PCDHGB7: variants seen among roughly 807,000 people sequenced by gnomAD.
The protein encoded by PCDHGB7 is protocadherin gamma subfamily B, 7.
Under a neutral mutation model 61.4 loss-of-function variants are expected in PCDHGB7, and 37 were observed. That is an observed-to-expected ratio of 0.60 (90% CI 0.46 to 0.79). The LOEUF (loss-of-function observed/expected upper bound fraction) is 0.79. PCDHGB7 is among the 30% of genes least tolerant of loss of function. The pLI is 0.00. For synonymous variants in PCDHGB7, 464 were observed against 503.5 expected (o/e 0.92, Z 1.05); for missense variants, 1,166 against 1,202.5 (o/e 0.97, Z 0.45).
chr5:141,422,913 G>T, intron 1 of PCDHGB7: 1 of 1,614,248 alleles, frequency 6.2e-7, no homozygotes, highest in Non-Finnish European at 8.5e-7. Context: ...ATGCGCCCGA[G>T]ATCCTGTACC....
chr5:141,428,646 C>T (rs542682298), intron 1 of PCDHGB7: 7 of 170,630 alleles, frequency 4.1e-5, no homozygotes, highest in South Asian at 3.0e-4. Flanking sequence ...CTCCTACTCA[C>T]GTGAGTTCCA....
chr5:141,499,047 GA>G (rs2099789201), intron 2 of PCDHGB7, among the ~76,000 whole-genome samples: 1 of 151,580 alleles, frequency 6.6e-6, no homozygotes, highest in South Asian at 2.1e-4. Flanking sequence ...GAAAAAGGGA[GA>G]AAAAATGAAG....
intron 1 of PCDHGB7, among the ~76,000 whole-genome samples, chr5:141,443,667 C>G (rs62379164): frequency 0.042 from 6,382 of 152,210 alleles, 168 homozygotes; most frequent in Middle Eastern, 0.088. Flanking sequence ...TTTTACTGAA[C>G]TAGTAGTTTA....
intron 3 of PCDHGB7, among the ~76,000 whole-genome samples, chr5:141,505,861 C>A (rs115699706): frequency 0.034 from 5,102 of 152,242 alleles, 131 homozygotes; most frequent in Admixed American, 0.057. Flanking sequence ...GGGACAGGGA[C>A]CCCAAAGGGT....
intron 1 of PCDHGB7, among the ~76,000 whole-genome samples, chr5:141,448,214 G>A (rs2098576063): frequency 6.6e-6 from 1 of 152,092 alleles, no homozygotes; most frequent in Non-Finnish European, 1.5e-5. Context: ...CTGTGTGTAT[G>A]CGAATGTATG....
intron 1 of PCDHGB7, among the ~76,000 whole-genome samples, chr5:141,492,103 T>G (rs1458656062): frequency 6.6e-6 from 1 of 152,134 alleles, no homozygotes; most frequent in Non-Finnish European, 1.5e-5. Flanking sequence ...GTCTGTAGAT[T>G]TCCTCTTCGA....
Position 141,485,574 on chromosome 5 carries a change from C to T in PCDHGB7, c.2416-9233C>T. 1 of 1,612,568 alleles carries T rather than the reference C, an allele frequency of 6.2e-7. No homozygotes were observed. Among genetic ancestry groups the T allele is most frequent in the Non-Finnish European group, 8.5e-7 (1 of 1,178,752 alleles). On this transcript the variant is annotated intron_variant, in intron 1 of 3. Transcript: ENST00000398594. This position sits in a 1 kb window ranked among gnomAD's most constrained non-coding sequence, Gnocchi z 5.7. ...GTGAATGATCACGCCCCCCGTTTTCCGCGGCAGCAGCTGGACTTGGAAATT... is the reference window on the plus strand; with the variant it reads ...GTGAATGATCACGCCCCCCGTTTTCTGCGGCAGCAGCTGGACTTGGAAATT...
chr5:141,490,374 C>T lies in PCDHGB7; in HGVS notation c.2416-4433C>T, dbSNP rs1452417604. 1.2e-6 allele frequency: 2 copies of T among 1,614,082 alleles called. No homozygotes were observed. Among genetic ancestry groups the T allele is most frequent in the Middle Eastern group, 1.6e-4 (1 of 6,084 alleles). ...GGTTGTTTAATGTGCGAGACCGGGA[C>T]TCAGGTAGAAATGGTGAAGTGAGCC... On this transcript the variant is annotated intron_variant, in intron 1 of 3. Coordinates refer to ENST00000398594, the MANE Select transcript of PCDHGB7 (RefSeq NM_018927.4). This position sits in a 1 kb window ranked among gnomAD's most constrained non-coding sequence, Gnocchi z 5.4.
chr5:141,477,560 T>C lies in PCDHGB7; in HGVS notation c.2416-17247T>C, dbSNP rs2099412994. The C allele has an allele frequency of 1.2e-6, 2 of 1,614,078 alleles. No homozygotes were observed. Among genetic ancestry groups the C allele is most frequent in the South Asian group, 2.2e-5 (2 of 91,094 alleles). ...GGCTCCAATACTAAACCTAAGTGTC[T>C]GGGACCCCGACGCCCCGCAGAATGC... On this transcript the variant is annotated intron_variant, in intron 1 of 3. Transcript: ENST00000398594. This position sits in a 1 kb window ranked among gnomAD's most constrained non-coding sequence, Gnocchi z 4.9.
chr5:141,422,556 G>T, intron 1 of PCDHGB7: 1 of 1,613,908 alleles, frequency 6.2e-7, no homozygotes, highest in South Asian at 1.1e-5. Context: ...GGCTGAATGT[G>T]GCAGATGACA....
At chr5:141,447,938 T>G in intron 1 of PCDHGB7, among the ~76,000 whole-genome samples, 1 of 151,870 alleles carries the variant, frequency 6.6e-6, no homozygotes, top group Admixed American at 6.6e-5. Flanking sequence ...ATACAAAAAT[T>G]AGCTGGGCAT....
At chr5:141,505,780 G>A (rs1595982811) in intron 3 of PCDHGB7, among the ~76,000 whole-genome samples, 1 of 139,456 alleles carries the variant, frequency 7.2e-6, no homozygotes, top group Non-Finnish European at 1.6e-5. Flanking sequence ...TCCTAGCTCT[G>A]CTACTATCCT....
chr5:141,423,131 A>C (rs370773437), intron 1 of PCDHGB7: 1 of 1,613,538 alleles, frequency 6.2e-7, no homozygotes. Flanking sequence ...GCACTGCTGG[A>C]CAGAGACGCG....
Position 141,418,125 on chromosome 5 carries a change from G to C in PCDHGB7, c.266G>C (p.Arg89Pro). Residue 89 changes from arginine to proline, a missense_variant, in exon 1 of 4, where the codon CGA becomes CCA. Coordinates refer to ENST00000398594, the MANE Select transcript of PCDHGB7 (RefSeq NM_018927.4). ...AGCGGGGACTTACTTGTGAAGGACC[G>C]AATAGACCGTGAGCAAATATGCAAA... ...AQSGDLLVKD[R>P]IDREQICKER... 6.2e-7 allele frequency: 1 copy of C among 1,614,086 alleles called. No individual in the cohort carries two copies.
intron 1 of PCDHGB7, among the ~76,000 whole-genome samples, chr5:141,480,615 AT>A (rs1279544819): frequency 2.0e-5 from 3 of 152,218 alleles, no homozygotes; most frequent in African/African-American, 7.2e-5. Context: ...AGCAACTGGC[AT>A]TTTCCCTAGA....
At chr5:141,450,754 C>G (rs192088793) in intron 1 of PCDHGB7, among the ~76,000 whole-genome samples, 1 of 150,996 alleles carries the variant, frequency 6.6e-6, no homozygotes, top group Non-Finnish European at 1.5e-5. Context: ...CCCAAAGTGC[C>G]GGGATTACAG....
In PCDHGB7 at chr5:141,477,005, T is replaced by C; in HGVS notation, c.2416-17802T>C. The C allele has an allele frequency of 1.2e-6, 2 of 1,614,240 alleles. No individual in the cohort carries two copies. Among genetic ancestry groups the C allele is most frequent in the Non-Finnish European group, 1.7e-6 (2 of 1,180,040 alleles). Reference sequence around the variant, plus strand: ...CGCCGGCGTGCGGCAACTATTCGCCTTAGACCTTGTAACCGGGATGCTGAC... The same window carrying C: ...CGCCGGCGTGCGGCAACTATTCGCCCTAGACCTTGTAACCGGGATGCTGAC... On this transcript the variant is annotated intron_variant, in intron 1 of 3. Transcript: ENST00000398594. The surrounding 1 kb of genome is among the most constrained non-coding windows in gnomAD (Gnocchi z 4.9).
At chr5:141,442,445 T>A (rs2098325574) in intron 1 of PCDHGB7, 1 of 152,198 alleles carries the variant, frequency 6.6e-6, no homozygotes, top group South Asian at 2.1e-4. Flanking sequence ...CCCTCAGGAC[T>A]CAATAGCAGT....
chr5:141,462,161 T>G (rs1592764918), intron 1 of PCDHGB7, among the ~76,000 whole-genome samples: 1 of 152,148 alleles, frequency 6.6e-6, no homozygotes, highest in Non-Finnish European at 1.5e-5. Flanking sequence ...GGTTTCATCA[T>G]GTTGGCCAGG....
Sources: allele counts gnomAD v4.1 joint callset (sites outside exome capture counted in the v4.1 genomes callset), GRCh38; gene constraint gnomAD v4.1.1; non-coding constraint Gnocchi (gnomAD v3.1); transcripts MANE v1.5; gene names NCBI Gene and HGNC (gene_info 2026-07-23, HGNC 2026-07-21).